AGPS: variants seen among roughly 807,000 people sequenced by gnomAD.
AGPS encodes alkyldihydroxyacetonephosphate synthase, peroxisomal.
Under a neutral mutation model 90.7 loss-of-function variants are expected in AGPS, and 26 were observed. The observed-to-expected ratio is 0.29, with a 90% confidence interval of 0.21 to 0.40. The LOEUF (loss-of-function observed/expected upper bound fraction) is 0.40. Ranked by LOEUF, AGPS falls within the 10% of genes least tolerant of loss-of-function variation. The pLI is 1.00. For missense variants in AGPS, 540 were observed against 816.1 expected (o/e 0.66, Z 4.12); for synonymous variants, 294 against 285.3 (o/e 1.03, Z -0.31).
intron 13 of AGPS, 52 bp downstream of exon 13, chr2:177,497,817 T>C (rs756291243): frequency 1.0e-6 from 1 of 1,001,942 alleles, no homozygotes; most frequent in South Asian, 1.5e-5. Context: ...ATATCTGTTT[T>C]CTGCTTTCTT....
chr2:177,525,611 A>T (rs1427400731), intron 19 of AGPS, among the ~76,000 whole-genome samples: 3 of 152,190 alleles, frequency 2.0e-5, no homozygotes, highest in African/African-American at 4.8e-5. Context: ...CATATATATA[A>T]CAAGGAAATA....
Position 177,445,534 on chromosome 2 carries a change from C to A in AGPS, c.790-12C>A, listed in dbSNP as rs1263811663. Reference sequence around the variant, plus strand: ...TTCCTGGAGATCAGATTTCTTTCTTCCTTTGCAACAGAATCGAATTCTCTG... The same window carrying A: ...TTCCTGGAGATCAGATTTCTTTCTTACTTTGCAACAGAATCGAATTCTCTG... On this transcript the variant is annotated splice_polypyrimidine_tract_variant and intron_variant, in intron 7 of 19. Coordinates refer to ENST00000264167, the MANE Select transcript of AGPS (RefSeq NM_003659.4). 1 of 1,609,242 alleles carries A rather than the reference C, an allele frequency of 6.2e-7. No homozygotes were observed. The highest frequency in any genetic ancestry group is 1.1e-5 in the South Asian group (1 of 90,980).
chr2:177,527,013 G>C (rs2079094068), intron 19 of AGPS, among the ~76,000 whole-genome samples: 1 of 152,188 alleles, frequency 6.6e-6, no homozygotes, highest in South Asian at 2.1e-4. Flanking sequence ...TTTGAACTCA[G>C]GTCTTCCTGC....
chr2:177,403,488 A>C (rs151060662), intron 1 of AGPS, among the ~76,000 whole-genome samples: 1 of 152,214 alleles, frequency 6.6e-6, no homozygotes, highest in African/African-American at 2.4e-5. Flanking sequence ...ATGGTCTTTC[A>C]GCAATCTGGA....
chr2:177,453,461 G>A (rs1468651104), intron 8 of AGPS, among the ~76,000 whole-genome samples: 2 of 151,696 alleles, frequency 1.3e-5, no homozygotes, highest in Admixed American at 6.6e-5. Flanking sequence ...AGTAGAGATG[G>A]GGTTTTACCA....
At chr2:177,493,722 A>C (rs2105706016) in intron 12 of AGPS, among the ~76,000 whole-genome samples, 1 of 152,294 alleles carries the variant, frequency 6.6e-6, no homozygotes, top group South Asian at 2.1e-4. Flanking sequence ...TTGTCTTGTC[A>C]GCAGTGGGAT....
chr2:177,454,724 A>C (rs1687059621), intron 8 of AGPS, among the ~76,000 whole-genome samples: 1 of 152,074 alleles, frequency 6.6e-6, no homozygotes. Context: ...GGATGCACTT[A>C]TGTGGAAACA....
At chr2:177,486,317 G>T (rs1211118455) in intron 11 of AGPS, among the ~76,000 whole-genome samples, 1 of 152,102 alleles carries the variant, frequency 6.6e-6, no homozygotes, top group Non-Finnish European at 1.5e-5. Context: ...ATGGATAAAA[G>T]GTTTTATAAT....
At chr2:177,499,499 A>G (rs1399902212) in intron 13 of AGPS, 119 bp from the exon 14 acceptor site, 5 of 662,550 alleles carry the variant, frequency 7.5e-6, no homozygotes, top group South Asian at 3.8e-5. Context: ...CCAAAGCTCA[A>G]TTTTTAAGAA....
At chr2:177,472,166 C>T (rs1009484853) in intron 10 of AGPS, among the ~76,000 whole-genome samples, 8 of 150,550 alleles carry the variant, frequency 5.3e-5, no homozygotes, top group African/African-American at 1.7e-4. Flanking sequence ...ATTGATTATA[C>T]GTATGTTTGA....
intron 17 of AGPS, among the ~76,000 whole-genome samples, chr2:177,518,689 A>G (rs1689094976): frequency 9.2e-6 from 1 of 108,968 alleles, no homozygotes; most frequent in Admixed American, 1.3e-4. Flanking sequence ...CCTTGCCACT[A>G]TCTATCTGTC....
At chr2:177,478,778 T>C (rs939809062) in intron 10 of AGPS, among the ~76,000 whole-genome samples, 3 of 151,994 alleles carry the variant, frequency 2.0e-5, no homozygotes, top group Non-Finnish European at 4.4e-5. Flanking sequence ...TCAGACACTT[T>C]AGAAGGGATA....
At chr2:177,412,439 A>G (rs751232042) in intron 1 of AGPS, among the ~76,000 whole-genome samples, 6 of 152,234 alleles carry the variant, frequency 3.9e-5, no homozygotes, top group South Asian at 2.1e-4. Flanking sequence ...AGGCAGATCA[A>G]TGCTCCCAAC....
chr2:177,509,348 G>A (rs1688799756), intron 16 of AGPS, among the ~76,000 whole-genome samples: 1 of 152,108 alleles, frequency 6.6e-6, no homozygotes, highest in African/African-American at 2.4e-5. Context: ...AAATTATCAA[G>A]TCATCAGCCT....
At chr2:177,395,711 T>C (rs1013981093) in intron 1 of AGPS, among the ~76,000 whole-genome samples, 8 of 152,234 alleles carry the variant, frequency 5.3e-5, no homozygotes, top group Non-Finnish European at 8.8e-5. Context: ...TATTTTGGAA[T>C]AATTTTGTGA....
chr2:177,402,209 G>A (rs1685351165), intron 1 of AGPS, among the ~76,000 whole-genome samples: 1 of 152,224 alleles, frequency 6.6e-6, no homozygotes, highest in Admixed American at 6.5e-5. Context: ...TGACATTTGA[G>A]CAGATATTTA....
chr2:177,465,536 G>A (rs1370991639), intron 9 of AGPS, among the ~76,000 whole-genome samples: 3 of 152,206 alleles, frequency 2.0e-5, no homozygotes, highest in Non-Finnish European at 4.4e-5. Flanking sequence ...GGCGAGCCAG[G>A]CACAGAGTAG....
At chr2:177,405,752 C>A (rs975628045) in intron 1 of AGPS, among the ~76,000 whole-genome samples, 4 of 148,318 alleles carry the variant, frequency 2.7e-5, no homozygotes, top group South Asian at 2.3e-4. Context: ...GCTTAAAAAT[C>A]CCTAAGATTA....
At chr2:177,424,073 C>G (rs927514294) in intron 2 of AGPS, among the ~76,000 whole-genome samples, 2 of 152,072 alleles carry the variant, frequency 1.3e-5, no homozygotes, top group African/African-American at 4.8e-5. Context: ...TTATTAAGCC[C>G]ACTATCCATT....
Sources: allele counts gnomAD v4.1 joint callset (sites outside exome capture counted in the v4.1 genomes callset), GRCh38; gene constraint gnomAD v4.1.1; transcripts MANE v1.5; gene names NCBI Gene and HGNC (gene_info 2026-07-23, HGNC 2026-07-21).